CAMTA1: variants seen among roughly 807,000 people sequenced by gnomAD.
CAMTA1 encodes the protein calmodulin binding transcription activator 1.
In CAMTA1, 27 loss-of-function variants were observed where a neutral mutation model predicts 170.9. The ratio of observed to expected loss-of-function variants is 0.16; its 90% CI spans 0.12 to 0.22. CAMTA1 has a LOEUF of 0.22. Ranked by LOEUF, CAMTA1 falls within the 10% of genes least tolerant of loss-of-function variation. CAMTA1 has a pLI of 1.00. For synonymous variants in CAMTA1, 833 were observed against 891.5 expected, an observed-to-expected ratio of 0.93 and a Z score of 1.17; for missense variants, 1,619 against 2,217.2, an observed-to-expected ratio of 0.73 and a Z score of 5.42.
intron 4 of CAMTA1, among the ~76,000 whole-genome samples, chr1:7,203,928 T>A (rs1188066715): frequency 6.6e-6 from 1 of 150,774 alleles, no homozygotes; most frequent in Non-Finnish European, 1.5e-5. Context: ...GCCTCCCGGG[T>A]TCATGCCATT....
intron 6 of CAMTA1, among the ~76,000 whole-genome samples, chr1:7,638,382 G>A (rs1298757043): frequency 6.6e-6 from 1 of 152,174 alleles, no homozygotes; most frequent in Admixed American, 6.5e-5. Flanking sequence ...GGCTCACACC[G>A]GTAATCCCAG....
chr1:7,023,871 T>A (rs1701683867), intron 3 of CAMTA1, among the ~76,000 whole-genome samples: 1 of 151,538 alleles, frequency 6.6e-6, no homozygotes, highest in Non-Finnish European at 1.5e-5. Flanking sequence ...CTACTAAAAA[T>A]TCAAAAATTA....
Position 7,534,881 on chromosome 1 carries a change from G to A in CAMTA1, c.510+66980G>A, listed in dbSNP as rs2094531087. On this transcript the variant is annotated intron_variant, in intron 6 of 22. Transcript: ENST00000303635. This position sits in a 1 kb window ranked among gnomAD's most constrained non-coding sequence, Gnocchi z 5.6. ...GAGGAAGTGGGTTTGCCTTTTGCCT[G>A]GTACAGATGACTCTGTCTCGATTTT... 6.6e-6 allele frequency among the ~76,000 whole-genome samples: 1 copy of A among 152,100 alleles called. No homozygotes were observed. The highest frequency in any genetic ancestry group is 6.6e-5 in the Admixed American group (1 of 15,258).
At chr1:7,003,195 T>G (rs1262494402) in intron 3 of CAMTA1, among the ~76,000 whole-genome samples, 2 of 152,218 alleles carry the variant, frequency 1.3e-5, no homozygotes, top group South Asian at 2.1e-4. Flanking sequence ...GGGGCAAAAT[T>G]GCCCCTGGTT....
chr1:7,269,691 G>A (rs1358575325), intron 5 of CAMTA1, among the ~76,000 whole-genome samples: 2 of 152,254 alleles, frequency 1.3e-5, no homozygotes, highest in Middle Eastern at 3.4e-3. Context: ...AAAGGTAGGG[G>A]GAAAAATAAT....
intron 6 of CAMTA1, among the ~76,000 whole-genome samples, chr1:7,595,847 C>G (rs2095395532): frequency 6.6e-6 from 1 of 152,212 alleles, no homozygotes; most frequent in African/African-American, 2.4e-5. Context: ...CCCACCTGGG[C>G]ATCACAGTTA....
intron 3 of CAMTA1, among the ~76,000 whole-genome samples, chr1:6,927,737 C>T (rs6577394): frequency 0.072 from 10,995 of 152,264 alleles, 792 homozygotes; most frequent in Admixed American, 0.25. Context: ...CAGTGGTGTC[C>T]GGCAGATGTT....
chr1:6,872,548 A>G (rs181816555), intron 3 of CAMTA1, among the ~76,000 whole-genome samples: 1 of 152,336 alleles, frequency 6.6e-6, no homozygotes, highest in Admixed American at 6.5e-5. Context: ...CAAAAAATGT[A>G]CTTTTGTCTC....
chr1:7,576,715 C>A (rs1365829945), intron 6 of CAMTA1, among the ~76,000 whole-genome samples: 2 of 152,128 alleles, frequency 1.3e-5, no homozygotes, highest in African/African-American at 4.8e-5. Context: ...TGAGATGCCA[C>A]ACGGTGGAGA....
rs550757906 is a variant in CAMTA1 at position 7,482,818 on chromosome 1, A to G, written c.510+14917A>G. ...CTATCTGTGCCCTCAGTTTCTCTGC[A>G]GCAGAGGAGGTGGCATTGGGGTGCA... On this transcript the variant is annotated intron_variant, in intron 6 of 22. Coordinates refer to ENST00000303635, the MANE Select transcript of CAMTA1 (RefSeq NM_015215.4). This position sits in a 1 kb window ranked among gnomAD's most constrained non-coding sequence, Gnocchi z 4.2. 6.6e-6 allele frequency among the ~76,000 whole-genome samples: 1 copy of G among 152,306 alleles called. No individual in the cohort carries two copies. The highest frequency in any genetic ancestry group is 2.4e-5 in the African/African-American group (1 of 41,570).
intron 11 of CAMTA1, chr1:7,698,542 A>G (rs896745317): frequency 6.6e-6 from 1 of 152,660 alleles, no homozygotes; most frequent in Non-Finnish European, 1.5e-5. Flanking sequence ...CCAGGCCAGG[A>G]CCCCGTTCCC....
At chr1:6,951,597 C>T (rs191943561) in intron 3 of CAMTA1, among the ~76,000 whole-genome samples, 18 of 152,302 alleles carry the variant, frequency 1.2e-4, no homozygotes, top group African/African-American at 3.8e-4. Flanking sequence ...CATAAAGCTC[C>T]AGCCCCCACA....
At chr1:7,513,276 G>A (rs1038586370) in intron 6 of CAMTA1, among the ~76,000 whole-genome samples, 13 of 152,178 alleles carry the variant, frequency 8.5e-5, no homozygotes, top group Non-Finnish European at 1.9e-4. Context: ...CTTCCAGGCT[G>A]ACTCGTGGTC....
rs577238208 is a variant in CAMTA1 at position 7,633,469 on chromosome 1, G to A, written c.511-6931G>A. On this transcript the variant is annotated intron_variant, in intron 6 of 22. Transcript: ENST00000303635. The surrounding 1 kb of genome is among the most constrained non-coding windows in gnomAD (Gnocchi z 4.1). ...TGGACCCCCTCCTCTTCCAGCCCAT[G>A]CCTGGGATGGACACCGACTCCTTCC... Among the ~76,000 whole-genome samples, 13 of 152,300 alleles carry A rather than the reference G, an allele frequency of 8.5e-5. No individual in the cohort carries two copies. In the East Asian group the frequency reaches 2.5e-3, roughly 29 times the overall value.
chr1:7,683,106 C>T (rs2096226102), intron 11 of CAMTA1, among the ~76,000 whole-genome samples: 2 of 149,264 alleles, frequency 1.3e-5, no homozygotes, highest in African/African-American at 4.9e-5. Context: ...ACCCGGGAGG[C>T]GGAGCTTGCA....
chr1:7,204,229 C>G (rs545820875), intron 4 of CAMTA1, among the ~76,000 whole-genome samples: 85 of 152,088 alleles, frequency 5.6e-4, no homozygotes, highest in South Asian at 4.8e-3. Flanking sequence ...TTAGTTTGTG[C>G]CTCTTTTTCC....
intron 4 of CAMTA1, among the ~76,000 whole-genome samples, chr1:7,148,425 TC>T (rs57480682): frequency 0.65 from 96,141 of 147,632 alleles, 30,844 homozygotes; most frequent in Middle Eastern, 0.77. Context: ...ATCCACCCCC[TC>T]CCCCCCCGCC....
At chr1:6,846,126 A>G (rs1023215741) in intron 3 of CAMTA1, among the ~76,000 whole-genome samples, 2 of 152,228 alleles carry the variant, frequency 1.3e-5, no homozygotes, top group African/African-American at 4.8e-5. Context: ...ACACATGGGA[A>G]TTATTACAGT....
chr1:6,807,500 C>G (rs572493140), intron 1 of CAMTA1, among the ~76,000 whole-genome samples: 21 of 152,212 alleles, frequency 1.4e-4, no homozygotes, highest in African/African-American at 5.1e-4. Flanking sequence ...GCGGGTGGAT[C>G]ATGAGGTCAG....
Sources: gnomAD v4.1 joint callset for allele counts (sites outside exome capture counted in the v4.1 genomes callset) on GRCh38, gnomAD v4.1.1 for gene constraint, Gnocchi (gnomAD v3.1) non-coding constraint, MANE v1.5 for transcripts, NCBI Gene and HGNC (gene_info 2026-07-23, HGNC 2026-07-21) for gene names.